Variants in TMEM26 observed in about 807,000 individuals in gnomAD.
TMEM26 encodes the protein transmembrane protein 26.
TMEM26 carries 38 observed loss-of-function variants against 28.8 expected under a neutral mutation model. That is an observed-to-expected ratio of 1.32 (90% CI 1.02 to 1.73). The LOEUF (loss-of-function observed/expected upper bound fraction) is 1.73. Among genes scored for constraint, TMEM26 ranks in the 40% most tolerant of loss-of-function variants. TMEM26 has a pLI of 0.00. For synonymous variants in TMEM26, 227 were observed against 182.9 expected, an observed-to-expected ratio of 1.24 and a Z score of -1.95; for missense variants, 518 against 447.1, an observed-to-expected ratio of 1.16 and a Z score of -1.43.
chr10:61,436,082 A>G, intron 2 of TMEM26, 88 bp downstream of exon 2: 1 of 819,522 alleles, frequency 1.2e-6, no homozygotes, highest in Non-Finnish European at 2.0e-6. Flanking sequence ...AGTACCTTAG[A>G]AAAGTGCATT....
At chr10:61,420,785 A>G (rs1839732879) in intron 4 of TMEM26, among the ~76,000 whole-genome samples, 1 of 151,970 alleles carries the variant, frequency 6.6e-6, no homozygotes, top group African/African-American at 2.4e-5. Context: ...AACACTAAAT[A>G]AAGTCTTTCA....
intron 2 of TMEM26, among the ~76,000 whole-genome samples, chr10:61,433,250 AT>A (rs1235650169): frequency 6.6e-6 from 1 of 152,180 alleles, no homozygotes; most frequent in East Asian, 1.9e-4. Flanking sequence ...TTTGTTATAG[AT>A]TTATGAGATT....
Position 61,446,070 on chromosome 10 carries a change from A to G in TMEM26, c.191+6821T>C, listed in dbSNP as rs1840175225. On this transcript the variant is annotated intron_variant, in intron 1 of 5. Coordinates refer to ENST00000399298, the MANE Select transcript of TMEM26 (RefSeq NM_178505.8). Reference sequence around the variant, plus strand: ...AATGTCTCAGTTGAACATGATCATAAAGAAAGCATAGCCATCATTCAGAGG... The same window carrying G: ...AATGTCTCAGTTGAACATGATCATAGAGAAAGCATAGCCATCATTCAGAGG... Among the ~76,000 whole-genome samples, 3 of 152,234 alleles carry G rather than the reference A, an allele frequency of 2.0e-5. No individual in the cohort carries two copies. In the South Asian group the frequency reaches 6.2e-4, roughly 32 times the overall value.
intron 4 of TMEM26, among the ~76,000 whole-genome samples, chr10:61,418,504 A>C (rs2135293480): frequency 6.6e-6 from 1 of 152,170 alleles, no homozygotes; most frequent in East Asian, 1.9e-4. Context: ...ATGAAAAGAT[A>C]AATTAGGGAC....
At position 61,413,449 on chromosome 10, in the gene TMEM26, G is replaced by T. The variant is rs1839600753; in HGVS notation, c.682+10C>A. 1 of 1,610,126 alleles carries T rather than the reference G, an allele frequency of 6.2e-7. No individual in the cohort carries two copies. The highest frequency in any genetic ancestry group is 8.5e-7 in the Non-Finnish European group (1 of 1,178,496). ...TTTCTATTTCTTTGCACAAACATCA[G>T]GATACTTACCTGCCAGGTCAAGTGG... On this transcript the variant is annotated intron_variant, in intron 5 of 5. Transcript: ENST00000399298.
chr10:61,452,360 G>A (rs1268005049), intron 1 of TMEM26, among the ~76,000 whole-genome samples: 2 of 152,228 alleles, frequency 1.3e-5, no homozygotes, highest in South Asian at 2.1e-4. Context: ...CGACGCGCGC[G>A]GCTGGAGGGA....
chr10:61,415,896 T>C (rs573712740), intron 4 of TMEM26, among the ~76,000 whole-genome samples: 2 of 152,152 alleles, frequency 1.3e-5, no homozygotes, highest in South Asian at 4.1e-4. Flanking sequence ...GATAATTCCT[T>C]AGAAGTTTTA....
chr10:61,446,627 T>C (rs1020055758), intron 1 of TMEM26, among the ~76,000 whole-genome samples: 2 of 151,936 alleles, frequency 1.3e-5, no homozygotes, highest in African/African-American at 4.8e-5. Context: ...GAGACCATCC[T>C]GGCCAACATG....
chr10:61,453,275 A>C lies in TMEM26; in HGVS notation c.-194T>G. The C allele has an allele frequency of 1.7e-6, 1 of 604,394 alleles. No individual in the cohort carries two copies. Among genetic ancestry groups the C allele is most frequent in the Non-Finnish European group, 2.9e-6 (1 of 344,958 alleles). The allele number at this position is 604,394 out of a possible 1,614,324, so 37.4% of individuals were successfully genotyped here. A position where few individuals can be genotyped will look rare whatever the true frequency, so the allele number is the denominator to read the frequency against. ...CGCCCCTCCCCCAAACTTCCTGAGA[A>C]CTCTTCAAAGAGGGGTGAGTCCAAA... On this transcript the variant is annotated 5_prime_UTR_variant, in exon 1 of 6. Transcript: ENST00000399298.
rs534665697 is a variant in TMEM26, at chr10:61,448,043, C to A, written c.191+4848G>T. 1.4e-3 allele frequency among the ~76,000 whole-genome samples: 220 copies of A among 152,380 alleles called. 1 individual carries two copies. Among genetic ancestry groups the A allele is most frequent in the Middle Eastern group, 3.4e-3 (1 of 294 alleles). Reference sequence around the variant, plus strand: ...TTTATTCACTTCCATATTCTCAGTACTTGAATAATGCCTGACACAATACAG... The same window carrying A: ...TTTATTCACTTCCATATTCTCAGTAATTGAATAATGCCTGACACAATACAG... On this transcript the variant is annotated intron_variant, in intron 1 of 5. Coordinates refer to ENST00000399298, the MANE Select transcript of TMEM26 (RefSeq NM_178505.8).
At chr10:61,426,469 A>C (rs1002304311) in intron 4 of TMEM26, among the ~76,000 whole-genome samples, 5 of 152,144 alleles carry the variant, frequency 3.3e-5, no homozygotes, top group African/African-American at 1.2e-4. Flanking sequence ...AAGCTTTACA[A>C]AGCTATGTAA....
At chr10:61,411,004 T>C (rs980059811) in intron 5 of TMEM26, among the ~76,000 whole-genome samples, 3 of 152,152 alleles carry the variant, frequency 2.0e-5, no homozygotes, top group Non-Finnish European at 4.4e-5. Context: ...CACAATTAAA[T>C]AGATTCTAGG....
chr10:61,413,429 A>G (rs1203959836), intron 5 of TMEM26, 30 bp downstream of exon 5: 15 of 1,601,420 alleles, frequency 9.4e-6, no homozygotes, highest in Non-Finnish European at 1.3e-5. Flanking sequence ...GTAATTTTCT[A>G]TTTCTTTGCA....
intron 1 of TMEM26, among the ~76,000 whole-genome samples, chr10:61,443,372 G>A (rs1415151478): frequency 6.6e-6 from 1 of 152,034 alleles, no homozygotes; most frequent in Non-Finnish European, 1.5e-5. Flanking sequence ...GGCTGAGGCA[G>A]GAGAATGGTG....
At chr10:61,444,286 T>A (rs1165773474) in intron 1 of TMEM26, among the ~76,000 whole-genome samples, 1 of 152,220 alleles carries the variant, frequency 6.6e-6, no homozygotes, top group Non-Finnish European at 1.5e-5. Context: ...AAATGCTTAT[T>A]TAATGAACAA....
At position 61,435,262 on chromosome 10, in the gene TMEM26, A is replaced by C. The variant is rs368632764; in HGVS notation, c.270+908T>G. The stretch of plus-strand genomic sequence containing the variant: ...AGTGGTACAATCTCGGCTCACTAAA[A>C]CCTCCACCTCCGGGTTCAAGTGATT... On this transcript the variant is annotated intron_variant, in intron 2 of 5. Transcript: ENST00000399298. 2.6e-5 allele frequency among the ~76,000 whole-genome samples: 4 copies of C among 151,654 alleles called. No homozygotes were observed. In the East Asian group the frequency reaches 7.7e-4, roughly 29 times the overall value.
chr10:61,426,276 G>A (rs976900335), intron 4 of TMEM26, among the ~76,000 whole-genome samples: 2 of 151,948 alleles, frequency 1.3e-5, no homozygotes, highest in African/African-American at 4.8e-5. Flanking sequence ...TAAGAGTGAA[G>A]ACTGACTGCA....
chr10:61,408,097 A>C lies in TMEM26; in HGVS notation c.*2225T>G, dbSNP rs1839518292. ...TATTTTTTTTTCCTATTATAAAAGC[A>C]GCCAGTATAAGAGAGTAGGAGTACT... is the stretch of plus-strand genomic sequence containing the variant. On this transcript the variant is annotated 3_prime_UTR_variant, in exon 6 of 6. Transcript: ENST00000399298. 1 of 152,168 alleles carries C rather than the reference A, an allele frequency of 6.6e-6. No homozygotes were observed. The highest frequency in any genetic ancestry group is 2.1e-4 in the South Asian group (1 of 4,830). 9.4% of individuals were successfully genotyped at this position (152,168 alleles called of 1,614,324 possible).
At chr10:61,435,762 T>A (rs1329921994) in intron 2 of TMEM26, among the ~76,000 whole-genome samples, 1 of 152,200 alleles carries the variant, frequency 6.6e-6, no homozygotes. Flanking sequence ...TTGAAATTCC[T>A]AAAAGTGTCA....
Sources: allele counts gnomAD v4.1 joint callset (sites outside exome capture counted in the v4.1 genomes callset), GRCh38; gene constraint gnomAD v4.1.1; transcripts MANE v1.5; gene names NCBI Gene and HGNC (gene_info 2026-07-23, HGNC 2026-07-21).